The following CDH8 variants were observed in gnomAD, a reference collection of about 807,000 sequenced individuals.
The protein encoded by CDH8 is cadherin 8.
CDH8 carries 17 observed loss-of-function variants against 68.1 expected under a neutral mutation model. The ratio of observed to expected loss-of-function variants is 0.25; its 90% CI spans 0.17 to 0.37. The LOEUF (loss-of-function observed/expected upper bound fraction) is 0.37, where lower values mean the gene tolerates loss of function less well. CDH8 is among the 10% of genes least tolerant of loss of function. CDH8 has a pLI of 1.00. For missense variants in CDH8, 763 were observed against 999.3 expected (o/e 0.76, Z 3.19); for synonymous variants, 372 against 365.1 (o/e 1.02, Z -0.21).
At chr16:61,705,967 G>A (rs73573241) in intron 10 of CDH8, among the ~76,000 whole-genome samples, 240 of 152,280 alleles carry the variant, frequency 1.6e-3, no homozygotes, top group African/African-American at 5.2e-3. Context: ...TTAATTCACT[G>A]CTTTATTTCC....
chr16:61,992,523 A>G (rs546533874), intron 2 of CDH8, among the ~76,000 whole-genome samples: 1 of 151,666 alleles, frequency 6.6e-6, no homozygotes, highest in African/African-American at 2.4e-5. Context: ...GCACACCAGC[A>G]TGGCACATGT....
chr16:61,741,012 AC>A (rs1959859854), intron 8 of CDH8, among the ~76,000 whole-genome samples: 1 of 152,182 alleles, frequency 6.6e-6, no homozygotes, highest in African/African-American at 2.4e-5. Context: ...CCAGCACTGT[AC>A]TAAAGATCAA....
chr16:61,893,695 A>G (rs149236947), intron 3 of CDH8, among the ~76,000 whole-genome samples: 74 of 152,282 alleles, frequency 4.9e-4, no homozygotes, highest in African/African-American at 1.7e-3. Context: ...TGATGGAGGC[A>G]TGTCAGTAGG....
At chr16:61,720,969 A>G (rs962225516) in intron 9 of CDH8, among the ~76,000 whole-genome samples, 1 of 150,706 alleles carries the variant, frequency 6.6e-6, no homozygotes, top group Non-Finnish European at 1.5e-5. Flanking sequence ...ATGTATTTGT[A>G]TATCTATATA....
chr16:61,850,870 G>A (rs1193710883), intron 4 of CDH8, among the ~76,000 whole-genome samples: 5 of 152,046 alleles, frequency 3.3e-5, no homozygotes. Context: ...CCTATATTAT[G>A]TGTAGTATTT....
At chr16:61,979,730 T>C (rs1597105119) in intron 2 of CDH8, among the ~76,000 whole-genome samples, 1 of 152,224 alleles carries the variant, frequency 6.6e-6, no homozygotes, top group Non-Finnish European at 1.5e-5. Context: ...ACTTCAGAAA[T>C]GCTTTAAGAC....
intron 2 of CDH8, among the ~76,000 whole-genome samples, chr16:61,916,043 G>A (rs560575837): frequency 1.8e-4 from 27 of 152,206 alleles, no homozygotes; most frequent in East Asian, 5.8e-4. Flanking sequence ...ACATTCAACC[G>A]TATCAGTAAT....
intron 2 of CDH8, among the ~76,000 whole-genome samples, chr16:61,929,266 C>T (rs1964503647): frequency 1.3e-5 from 2 of 152,188 alleles, no homozygotes; most frequent in Non-Finnish European, 1.5e-5. Context: ...TATGTATAAG[C>T]ATCTTGAACC....
intron 2 of CDH8, among the ~76,000 whole-genome samples, chr16:61,977,010 G>C (rs185088588): frequency 5.6e-4 from 84 of 151,060 alleles, no homozygotes; most frequent in Admixed American, 5.9e-4. Flanking sequence ...ATGGGCTCCT[G>C]AACTGCATAA....
intron 10 of CDH8, among the ~76,000 whole-genome samples, chr16:61,695,976 TA>T (rs566728712): frequency 2.7e-3 from 411 of 152,070 alleles, no homozygotes; most frequent in Non-Finnish European, 3.0e-3. Flanking sequence ...GATCTTGATA[TA>T]AAAAAAAGTT....
At chr16:61,753,317 G>A (rs1013538862) in intron 8 of CDH8, among the ~76,000 whole-genome samples, 1 of 150,600 alleles carries the variant, frequency 6.6e-6, no homozygotes, top group African/African-American at 2.5e-5. Context: ...TCGGCTCACT[G>A]CAACCTCCAC....
At chr16:61,780,874 C>A (rs533187211) in intron 8 of CDH8, among the ~76,000 whole-genome samples, 1 of 152,170 alleles carries the variant, frequency 6.6e-6, no homozygotes, top group Non-Finnish European at 1.5e-5. Flanking sequence ...TTAAAGTTCT[C>A]AAATTTATGC....
chr16:61,729,578 G>T (rs902261852), intron 8 of CDH8, among the ~76,000 whole-genome samples: 1 of 150,872 alleles, frequency 6.6e-6, no homozygotes, highest in Non-Finnish European at 1.5e-5. Context: ...ACTTCTTTTT[G>T]TAATTCTCTG....
intron 2 of CDH8, among the ~76,000 whole-genome samples, chr16:62,014,439 A>T (rs111699247): frequency 1.4e-3 from 213 of 152,224 alleles, no homozygotes; most frequent in South Asian, 2.7e-3. Context: ...GCTCTGTCTG[A>T]GTAGGTAGAA....
chr16:61,838,444 C>T (rs1157090882), intron 4 of CDH8, among the ~76,000 whole-genome samples: 1 of 152,128 alleles, frequency 6.6e-6, no homozygotes, highest in African/African-American at 2.4e-5. Context: ...ATTTGTCAAG[C>T]TTTAGGCTTG....
At chr16:62,003,598 T>A (rs1965928532) in intron 2 of CDH8, among the ~76,000 whole-genome samples, 1 of 152,156 alleles carries the variant, frequency 6.6e-6, no homozygotes, top group Admixed American at 6.5e-5. Flanking sequence ...CCGACTTGTG[T>A]CCTTCCAAGG....
chr16:61,833,231 T>C (rs1338132663), intron 4 of CDH8, among the ~76,000 whole-genome samples: 1 of 151,468 alleles, frequency 6.6e-6, no homozygotes, highest in Non-Finnish European at 1.5e-5. Flanking sequence ...GTATATATAT[T>C]TTATAAAGAT....
intron 10 of CDH8, among the ~76,000 whole-genome samples, chr16:61,675,045 A>T (rs1365576410): frequency 6.6e-6 from 1 of 152,094 alleles, no homozygotes; most frequent in Non-Finnish European, 1.5e-5. Flanking sequence ...AGATAAATAA[A>T]GAATGAATAA....
At chr16:61,698,203 T>C (rs1290738503) in intron 10 of CDH8, among the ~76,000 whole-genome samples, 1 of 152,234 alleles carries the variant, frequency 6.6e-6, no homozygotes, top group Non-Finnish European at 1.5e-5. Context: ...AGCCCACGTA[T>C]AATTATTTGT....
Sources: gnomAD v4.1 joint callset for allele counts (sites outside exome capture counted in the v4.1 genomes callset) on GRCh38, gnomAD v4.1.1 for gene constraint, MANE v1.5 for transcripts, NCBI Gene and HGNC (gene_info 2026-07-23, HGNC 2026-07-21) for gene names.